Variants in EPB41L5 observed in about 807,000 individuals in gnomAD.
EPB41L5 encodes erythrocyte membrane protein band 4.1 like 5.
Under a neutral mutation model 106.6 loss-of-function variants are expected in EPB41L5, and 55 were observed. The ratio of observed to expected loss-of-function variants is 0.52; its 90% CI spans 0.42 to 0.65. The LOEUF is 0.65. Ranked by LOEUF, EPB41L5 falls within the 30% of genes least tolerant of loss-of-function variation. EPB41L5 has a pLI of 0.00. For synonymous variants in EPB41L5, 297 were observed against 306.7 expected (o/e 0.97, Z 0.33); for missense variants, 871 against 882.1 (o/e 0.99, Z 0.16).
intron 2 of EPB41L5, among the ~76,000 whole-genome samples, chr2:120,029,749 A>G (rs1337856769): frequency 6.6e-6 from 1 of 152,148 alleles, no homozygotes; most frequent in Non-Finnish European, 1.5e-5. Context: ...CTTATAGTAC[A>G]CTGTCCATTT....
intron 10 of EPB41L5, among the ~76,000 whole-genome samples, chr2:120,081,907 G>T (rs1160540577): frequency 6.6e-6 from 1 of 152,080 alleles, no homozygotes; most frequent in African/African-American, 2.4e-5. Context: ...TTGGCTCTCT[G>T]TTTGTCTGTT....
intron 16 of EPB41L5, among the ~76,000 whole-genome samples, chr2:120,123,700 C>T (rs1331751309): frequency 7.1e-6 from 1 of 141,620 alleles, no homozygotes; most frequent in Admixed American, 7.3e-5. Context: ...TCCTGTTGCC[C>T]AGGCTAGAGT....
Position 120,164,816 on chromosome 2 carries a change from T to C in EPB41L5, c.1888-20T>C, listed in dbSNP as rs1316555664. 1 of 1,578,458 alleles carries C rather than the reference T, an allele frequency of 6.3e-7. No individual in the cohort carries two copies. The highest frequency in any genetic ancestry group is 8.6e-7 in the Non-Finnish European group (1 of 1,159,274). On this transcript the variant is annotated intron_variant, in intron 21 of 24. Coordinates refer to ENST00000263713, the MANE Select transcript of EPB41L5 (RefSeq NM_020909.4). ...TGATAAAGGGGTCATTTAACAATTC[T>C]AGATTCCTGTCTTCCATAGGAAGCT...
intron 16 of EPB41L5, among the ~76,000 whole-genome samples, chr2:120,125,654 C>T (rs1462178143): frequency 1.3e-5 from 2 of 152,132 alleles, no homozygotes; most frequent in Non-Finnish European, 2.9e-5. Context: ...GGAGAAGAGT[C>T]ACAGTTCTTT....
At chr2:120,096,708 T>G (rs146844974) in intron 14 of EPB41L5, among the ~76,000 whole-genome samples, 336 of 152,292 alleles carry the variant, frequency 2.2e-3, no homozygotes, top group African/African-American at 7.3e-3. Flanking sequence ...GAGAATTGCT[T>G]TAACCCTGGA....
At chr2:120,039,747 C>T (rs541778842) in intron 2 of EPB41L5, among the ~76,000 whole-genome samples, 1 of 151,572 alleles carries the variant, frequency 6.6e-6, no homozygotes, top group African/African-American at 2.4e-5. Context: ...ATTGCTTGAA[C>T]CCAGGAAGCG....
intron 18 of EPB41L5, among the ~76,000 whole-genome samples, 185 bp downstream of exon 18, chr2:120,131,900 T>C (rs1446918001): frequency 3.3e-5 from 5 of 152,024 alleles, no homozygotes; most frequent in Non-Finnish European, 7.4e-5. Flanking sequence ...AGGGGGAAAC[T>C]TGCACAGCAA....
At chr2:120,109,508 T>C (rs1684623370) in intron 16 of EPB41L5, among the ~76,000 whole-genome samples, 1 of 152,200 alleles carries the variant, frequency 6.6e-6, no homozygotes, top group African/African-American at 2.4e-5. Context: ...TTTGGGAATT[T>C]GTTCCTTGCT....
At chr2:120,171,259 AAAGC>A (rs1299421879) in intron 24 of EPB41L5, among the ~76,000 whole-genome samples, 1 of 152,232 alleles carries the variant, frequency 6.6e-6, no homozygotes, top group Non-Finnish European at 1.5e-5. Flanking sequence ...AACAAAATAA[AAAGC>A]AAGCCAGTTC....
chr2:120,106,777 A>G (rs1684477278), intron 16 of EPB41L5: 1 of 985,396 alleles, frequency 1.0e-6, no homozygotes, highest in Non-Finnish European at 1.2e-6. Context: ...AGCTCATAAG[A>G]TCATCGTCTC....
At chr2:120,156,211 C>G (rs903636734) in intron 20 of EPB41L5, among the ~76,000 whole-genome samples, 3 of 152,130 alleles carry the variant, frequency 2.0e-5, no homozygotes, top group Non-Finnish European at 2.9e-5. Flanking sequence ...AACTGAGCAC[C>G]CCTTGGTCTG....
In EPB41L5 at chr2:120,174,832, T is replaced by A. The variant is rs747437075; in HGVS notation, c.2136-9T>A. 2 of 1,614,082 alleles carry A rather than the reference T, an allele frequency of 1.2e-6. No homozygotes were observed. The highest frequency in any genetic ancestry group is 1.3e-5 in the African/African-American group (1 of 75,042). On this transcript the variant is annotated splice_polypyrimidine_tract_variant and intron_variant, in intron 24 of 24. Transcript: ENST00000263713. ...GTTCCCTGAGTAACCCATTCTCTCT[T>A]CCTTTCAGCTCTGGTCCCATTTTGG...
chr2:120,013,268 T>TGGAC lies in EPB41L5; in HGVS notation c.-9+59_-9+62dup, dbSNP rs1558791955. ...ACAGTCCGCTGCGCTCCTAGCCGAG[T>TGGAC]GGACCCTTCCTCGCCCGCGCCTGCG... On this transcript the variant is annotated intron_variant, in intron 1 of 24. Coordinates refer to ENST00000263713, the MANE Select transcript of EPB41L5 (RefSeq NM_020909.4). 2.6e-5 allele frequency: 4 copies of TGGAC among 151,822 alleles called. No individual in the cohort carries two copies. In the East Asian group the frequency reaches 7.8e-4, roughly 30 times the overall value. 9.4% of individuals were successfully genotyped at this position (151,822 alleles called of 1,614,324 possible).
At chr2:120,172,586 A>T (rs1687724313) in intron 24 of EPB41L5, among the ~76,000 whole-genome samples, 1 of 152,316 alleles carries the variant, frequency 6.6e-6, no homozygotes, top group African/African-American at 2.4e-5. Context: ...TTAGACATAC[A>T]GTTTCCCTAA....
intron 2 of EPB41L5, among the ~76,000 whole-genome samples, chr2:120,030,380 C>T (rs1321521695): frequency 6.6e-6 from 1 of 152,152 alleles, no homozygotes; most frequent in African/African-American, 2.4e-5. Flanking sequence ...ATTTTGCAGA[C>T]CCTGCACTGG....
At chr2:120,058,027 A>G (rs1680776440) in intron 3 of EPB41L5, among the ~76,000 whole-genome samples, 1 of 152,156 alleles carries the variant, frequency 6.6e-6, no homozygotes. Flanking sequence ...ACATGTTTAC[A>G]TGGACCAGGC....
intron 23 of EPB41L5, 124 bp from the exon 24 acceptor site, chr2:120,167,753 A>C (rs1377710740): frequency 8.0e-7 from 1 of 1,245,940 alleles, no homozygotes; most frequent in Non-Finnish European, 1.1e-6. Context: ...CAAAACAAAC[A>C]GTCATAATTA....
intron 18 of EPB41L5, among the ~76,000 whole-genome samples, chr2:120,142,563 CCAGAGGTTGG>C (rs1204611222): frequency 6.6e-6 from 1 of 152,062 alleles, no homozygotes; most frequent in African/African-American, 2.4e-5. Context: ...ATTCTCTTGA[CCAGAGGTTGG>C]CAGATTATTT....
In EPB41L5 at chr2:120,100,429, A is replaced by T. The variant is rs186569611; in HGVS notation, c.1221+143A>T. ...CTTTTCCTTTTCCCTTAAGTGGTTCAGTAATAACTTCCGGTTATTTTATTC... is the reference window on the plus strand; with the variant it reads ...CTTTTCCTTTTCCCTTAAGTGGTTCTGTAATAACTTCCGGTTATTTTATTC... On this transcript the variant is annotated intron_variant, in intron 15 of 24. Coordinates refer to ENST00000263713, the MANE Select transcript of EPB41L5 (RefSeq NM_020909.4). 3.0e-5 allele frequency: 24 copies of T among 798,190 alleles called. No individual in the cohort carries two copies. In the African/African-American group the frequency reaches 3.5e-4, roughly 12 times the overall value. The allele number at this position is 798,190 out of a possible 1,614,324, so 49.4% of individuals were successfully genotyped here.
Sources: gnomAD v4.1 joint callset for allele counts (sites outside exome capture counted in the v4.1 genomes callset) on GRCh38, gnomAD v4.1.1 for gene constraint, MANE v1.5 for transcripts, NCBI Gene and HGNC (gene_info 2026-07-23, HGNC 2026-07-21) for gene names.